Variants in KCNIP4 observed in about 807,000 individuals in gnomAD.
KCNIP4 encodes potassium voltage-gated channel interacting protein 4, also known as Kv channel-interacting protein 4.
A neutral mutation model predicts 34.0 loss-of-function variants in KCNIP4; 12 were observed. The observed-to-expected ratio is 0.35, with a 90% CI of 0.23 to 0.57. The LOEUF is 0.57. Ranked by LOEUF, KCNIP4 falls within the 20% of genes least tolerant of loss-of-function variation. The pLI is 0.83. For missense variants in KCNIP4, 238 were observed against 311.7 expected (o/e 0.76, Z 1.78); for synonymous variants, 124 against 102.2 (o/e 1.21, Z -1.29).
intron 3 of KCNIP4, among the ~76,000 whole-genome samples, chr4:20,780,039 T>C (rs928656036): frequency 4.6e-5 from 7 of 152,190 alleles, no homozygotes; most frequent in African/African-American, 1.7e-4. Flanking sequence ...ACATGCATGA[T>C]TGTAGGACAT....
chr4:20,809,626 G>C (rs1715481745), intron 3 of KCNIP4, among the ~76,000 whole-genome samples: 1 of 152,094 alleles, frequency 6.6e-6, no homozygotes, highest in South Asian at 2.1e-4. Flanking sequence ...TGCGTTATCA[G>C]GATGAATGTC....
chr4:20,926,481 C>T (rs1488428328), intron 1 of KCNIP4, among the ~76,000 whole-genome samples: 1 of 152,184 alleles, frequency 6.6e-6, no homozygotes, highest in East Asian at 1.9e-4. Context: ...GATTTTAAAA[C>T]TCTAGTACAT....
intron 1 of KCNIP4, among the ~76,000 whole-genome samples, chr4:21,703,062 A>AT (rs1712986016): frequency 6.6e-6 from 1 of 151,992 alleles, no homozygotes; most frequent in Non-Finnish European, 1.5e-5. Context: ...CTGATTCATG[A>AT]TTAAAAAAAA....
intron 1 of KCNIP4, among the ~76,000 whole-genome samples, chr4:21,089,769 C>A (rs922481229): frequency 6.6e-5 from 10 of 152,112 alleles, no homozygotes; most frequent in African/African-American, 2.4e-4. Context: ...TAACTAGTAT[C>A]TTCTCTTGTA....
intron 1 of KCNIP4, among the ~76,000 whole-genome samples, chr4:21,457,962 T>C (rs995534008): frequency 5.9e-5 from 9 of 152,050 alleles, no homozygotes; most frequent in African/African-American, 9.7e-5. Flanking sequence ...TCTTATTCCC[T>C]GTGAATCCAT....
intron 1 of KCNIP4, among the ~76,000 whole-genome samples, chr4:21,375,484 T>C (rs1436711116): frequency 1.3e-5 from 2 of 152,188 alleles, no homozygotes; most frequent in Admixed American, 6.5e-5. Context: ...ATATGTCAAA[T>C]GCATAGGTCC....
chr4:20,832,768 G>A (rs1718578347), intron 3 of KCNIP4, among the ~76,000 whole-genome samples: 1 of 150,804 alleles, frequency 6.6e-6, no homozygotes. Flanking sequence ...GATTTGGTAG[G>A]TGATGTTTTA....
chr4:21,573,693 T>A (rs374494756), intron 1 of KCNIP4, among the ~76,000 whole-genome samples: 1 of 152,140 alleles, frequency 6.6e-6, no homozygotes, highest in Non-Finnish European at 1.5e-5. Flanking sequence ...TCATTTCAAC[T>A]TATGACATAT....
At chr4:21,099,531 G>A (rs1747757420) in intron 1 of KCNIP4, among the ~76,000 whole-genome samples, 1 of 152,018 alleles carries the variant, frequency 6.6e-6, no homozygotes, top group African/African-American at 2.4e-5. Context: ...CTAGGTGATG[G>A]GTTGATCTGT....
intron 1 of KCNIP4, among the ~76,000 whole-genome samples, chr4:21,135,838 C>T (rs919103093): frequency 6.6e-6 from 1 of 152,134 alleles, no homozygotes; most frequent in South Asian, 2.1e-4. Flanking sequence ...TTGAGCTCCA[C>T]GTCCCTATTT....
intron 1 of KCNIP4, among the ~76,000 whole-genome samples, chr4:21,065,619 A>G (rs887720903): frequency 1.3e-5 from 2 of 151,182 alleles, no homozygotes; most frequent in African/African-American, 4.9e-5. Flanking sequence ...CTGACTGTAC[A>G]ATATTGTGGG....
intron 1 of KCNIP4, among the ~76,000 whole-genome samples, chr4:20,931,967 A>G (rs1225580128): frequency 2.1e-5 from 2 of 96,084 alleles, no homozygotes; most frequent in African/African-American, 8.7e-5. Context: ...CTAATATTGT[A>G]GACTATAATA....
chr4:21,726,432 C>A (rs1451966967), intron 1 of KCNIP4, among the ~76,000 whole-genome samples: 1 of 152,132 alleles, frequency 6.6e-6, no homozygotes, highest in East Asian at 1.9e-4. Flanking sequence ...TCTCACGTAG[C>A]AGAGGAGGGT....
At chr4:20,746,770 A>G (rs916112659) in intron 5 of KCNIP4, among the ~76,000 whole-genome samples, 8 of 152,146 alleles carry the variant, frequency 5.3e-5, no homozygotes, top group African/African-American at 1.9e-4. Flanking sequence ...ATCCCATCAT[A>G]CCAAATCCAG....
chr4:21,293,917 A>G (rs1170798539), intron 1 of KCNIP4, among the ~76,000 whole-genome samples: 1 of 152,146 alleles, frequency 6.6e-6, no homozygotes, highest in Admixed American at 6.6e-5. Context: ...CCTATCTGGG[A>G]GGCAGGAACA....
At chr4:21,822,986 G>C (rs1025893132) in intron 1 of KCNIP4, among the ~76,000 whole-genome samples, 28 of 151,760 alleles carry the variant, frequency 1.8e-4, no homozygotes, top group African/African-American at 6.5e-4. Flanking sequence ...CAAAGTCCTG[G>C]GATTACAGGC....
chr4:21,483,640 A>AG (rs1458214833), intron 1 of KCNIP4, among the ~76,000 whole-genome samples: 3 of 151,988 alleles, frequency 2.0e-5, no homozygotes, highest in Non-Finnish European at 4.4e-5. Flanking sequence ...ATAAAAAAAA[A>AG]TTAGCCAGGT....
intron 1 of KCNIP4, among the ~76,000 whole-genome samples, chr4:21,295,824 C>G (rs1763807380): frequency 6.6e-6 from 1 of 151,970 alleles, no homozygotes; most frequent in East Asian, 1.9e-4. Flanking sequence ...TGTCTTGCTT[C>G]CCCAATAGTA....
At chr4:21,684,891 TG>T (rs920973567) in intron 1 of KCNIP4, among the ~76,000 whole-genome samples, 9 of 151,940 alleles carry the variant, frequency 5.9e-5, no homozygotes, top group African/African-American at 2.2e-4. Flanking sequence ...CACTCATAGG[TG>T]GGAATTGAAC....
Sources: allele counts gnomAD v4.1 joint callset (sites outside exome capture counted in the v4.1 genomes callset), GRCh38; gene constraint gnomAD v4.1.1; transcripts MANE v1.5; gene names NCBI Gene and HGNC (gene_info 2026-07-23, HGNC 2026-07-21).